Variants in MINDY3 observed in about 807,000 individuals in gnomAD.
The protein encoded by MINDY3 is ubiquitin carboxyl-terminal hydrolase MINDY-3.
MINDY3 carries 38 observed loss-of-function variants against 69.2 expected under a neutral mutation model. The observed-to-expected ratio is 0.55, with a 90% CI of 0.42 to 0.72. MINDY3 has a LOEUF of 0.72. Ranked by LOEUF, MINDY3 falls within the 30% of genes least tolerant of loss-of-function variation. MINDY3 has a pLI of 0.00. For missense variants in MINDY3, 522 were observed against 519.0 expected (o/e 1.01, Z -0.06); for synonymous variants, 192 against 180.1 (o/e 1.07, Z -0.53).
At chr10:15,834,421 T>C (rs916509062) in intron 7 of MINDY3, 122 bp downstream of exon 7, 5 of 594,190 alleles carry the variant, frequency 8.4e-6, no homozygotes, top group East Asian at 5.5e-5. Flanking sequence ...CTCAAATCCA[T>C]ACATGTTGTA....
chr10:15,829,927 G>A (rs1007391704), intron 8 of MINDY3, among the ~76,000 whole-genome samples: 8 of 152,144 alleles, frequency 5.3e-5, no homozygotes, highest in African/African-American at 1.7e-4. Context: ...AAACTAACTG[G>A]TGCCATCGCC....
intron 8 of MINDY3, among the ~76,000 whole-genome samples, chr10:15,828,086 G>T (rs1474661127): frequency 6.6e-6 from 1 of 152,132 alleles, no homozygotes; most frequent in East Asian, 1.9e-4. Flanking sequence ...TCAACTCCTT[G>T]GTCTATGGCA....
intron 10 of MINDY3, among the ~76,000 whole-genome samples, chr10:15,806,887 T>C (rs1011037582): frequency 2.0e-5 from 3 of 152,168 alleles, no homozygotes; most frequent in African/African-American, 7.2e-5. Flanking sequence ...GTATAATCTT[T>C]TCTACACCTA....
At chr10:15,859,587 G>A (rs1299734815) in intron 1 of MINDY3, among the ~76,000 whole-genome samples, 1 of 152,110 alleles carries the variant, frequency 6.6e-6, no homozygotes, top group Non-Finnish European at 1.5e-5. Flanking sequence ...CATACCGGCC[G>A]AGGAAGTACT....
intron 10 of MINDY3, among the ~76,000 whole-genome samples, chr10:15,812,108 AT>A (rs1305751983): frequency 6.6e-6 from 1 of 151,850 alleles, no homozygotes; most frequent in African/African-American, 2.4e-5. Flanking sequence ...CGCCTGGGTA[AT>A]TTTTGTATTC....
chr10:15,845,502 T>C (rs1038339621), intron 2 of MINDY3, among the ~76,000 whole-genome samples: 13 of 151,888 alleles, frequency 8.6e-5, no homozygotes, highest in African/African-American at 2.9e-4. Context: ...TACGTGACTC[T>C]TTTTTTTCCT....
At chr10:15,797,206 T>TCCAG (rs780854020) in intron 10 of MINDY3, among the ~76,000 whole-genome samples, 1 of 152,114 alleles carries the variant, frequency 6.6e-6, no homozygotes, top group Non-Finnish European at 1.5e-5. Context: ...AGGACTCGAT[T>TCCAG]CCTGAAAACC....
At chr10:15,790,702 G>T (rs148964085) in intron 11 of MINDY3, among the ~76,000 whole-genome samples, 26 of 152,234 alleles carry the variant, frequency 1.7e-4, no homozygotes, top group African/African-American at 6.0e-4. Context: ...AAATGTTTTA[G>T]ATTTCAAATT....
chr10:15,832,450 T>C (rs1348799116), intron 8 of MINDY3, among the ~76,000 whole-genome samples: 1 of 151,846 alleles, frequency 6.6e-6, no homozygotes, highest in Non-Finnish European at 1.5e-5. Context: ...AAATGAGATT[T>C]TTTTTTTCAT....
chr10:15,779,047 T>C lies in MINDY3; in HGVS notation c.1283A>G (p.Lys428Arg), dbSNP rs372425699. Reference sequence around the variant, plus strand: ...CCAGAGTAACTCAATGTATGGCCATTTGGTTTGCAGACAGCGTTTAATAGG... The same window carrying C: ...CCAGAGTAACTCAATGTATGGCCATCTGGTTTGCAGACAGCGTTTAATAGG... ...DTPIKRCLQT[K>R]WPYIELLWTT... is the part of the protein sequence containing the mutation. Residue 428 changes from lysine to arginine, a missense_variant, in exon 15 of 15, where the codon AAA becomes AGA. By Grantham distance (26) the Lys-to-Arg change is conservative. Transcript: ENST00000277632. 14 of 1,613,464 alleles carry C rather than the reference T, an allele frequency of 8.7e-6. No individual in the cohort carries two copies. The highest frequency in any genetic ancestry group is 2.2e-5 in the South Asian group (2 of 91,064).
intron 10 of MINDY3, among the ~76,000 whole-genome samples, chr10:15,807,541 T>A (rs1302270440): frequency 6.6e-6 from 1 of 152,246 alleles, no homozygotes; most frequent in Non-Finnish European, 1.5e-5. Flanking sequence ...TGTACTCTGC[T>A]ATCAACTCTA....
At chr10:15,858,580 T>C (rs148127508) in intron 1 of MINDY3, among the ~76,000 whole-genome samples, 54 of 152,328 alleles carry the variant, frequency 3.5e-4, no homozygotes, top group African/African-American at 1.3e-3. Context: ...GTAAGGTCTA[T>C]TATCTGTACT....
At chr10:15,830,464 C>G (rs529862702) in intron 8 of MINDY3, among the ~76,000 whole-genome samples, 70 of 152,312 alleles carry the variant, frequency 4.6e-4, no homozygotes, top group African/African-American at 1.6e-3. Flanking sequence ...AGATTCCAAC[C>G]ACAGTAGTCT....
At position 15,841,591 on chromosome 10, in the gene MINDY3, G is replaced by C. The variant is rs1833472662; in HGVS notation, c.244C>G (p.Gln82Glu). The C allele has an allele frequency of 6.2e-7, 1 of 1,600,146 alleles. No homozygotes were observed. The highest frequency in any genetic ancestry group is 8.5e-7 in the Non-Finnish European group (1 of 1,173,620). The change falls in exon 4 of 15, where the codon CAG becomes GAG. Residue 82 changes from glutamine (Q) to glutamate (E), a missense_variant. Coordinates refer to ENST00000277632, the MANE Select transcript of MINDY3 (RefSeq NM_024948.4). ...AAGGTATGACAAAGGAGTTCCTTCT[G>C]CTCTTCCTCTAAAAATAACCAAAGC... is the stretch of plus-strand genomic sequence containing the variant. ...SSWRDCSEEE[Q>E]KELLCHTLCD...
chr10:15,802,505 A>T (rs78219000), intron 10 of MINDY3, among the ~76,000 whole-genome samples: 2,009 of 152,164 alleles, frequency 0.013, 20 homozygotes, highest in South Asian at 0.022. Context: ...GCATGGGGGA[A>T]ACAGCCCCCA....
Position 15,782,342 on chromosome 10 carries a change from T to C in MINDY3, c.1117-116A>G, listed in dbSNP as rs553408659. The C allele has an allele frequency of 3.9e-5, 28 of 710,492 alleles. No homozygotes were observed. In the South Asian group the frequency reaches 5.5e-4, roughly 14 times the overall value. The allele number at this position is 710,492 out of a possible 1,614,324, so 44.0% of individuals were successfully genotyped here. ...TCCTTATCCTTTGACTGGGGACTCA[T>C]TTGACAAAAGAAGGAACTTAGGTTT... On this transcript the variant is annotated intron_variant, in intron 13 of 14. Coordinates refer to ENST00000277632, the MANE Select transcript of MINDY3 (RefSeq NM_024948.4).
intron 11 of MINDY3, among the ~76,000 whole-genome samples, chr10:15,791,330 G>C (rs1837393553): frequency 6.6e-6 from 1 of 151,880 alleles, no homozygotes; most frequent in South Asian, 2.1e-4. Context: ...TAGGTCATCT[G>C]ACATTTCACC....
chr10:15,816,657 T>C (rs1564489223), intron 10 of MINDY3, among the ~76,000 whole-genome samples, 178 bp downstream of exon 10: 1 of 152,168 alleles, frequency 6.6e-6, no homozygotes, highest in Non-Finnish European at 1.5e-5. Context: ...GATTAAAAGA[T>C]TCCAGATTTA....
chr10:15,826,771 C>G (rs1309000069), intron 8 of MINDY3, among the ~76,000 whole-genome samples: 1 of 151,952 alleles, frequency 6.6e-6, no homozygotes, highest in Non-Finnish European at 1.5e-5. Context: ...ATGTGTTCAA[C>G]AAAAAACGTA....
Sources: allele counts gnomAD v4.1 joint callset (sites outside exome capture counted in the v4.1 genomes callset), GRCh38; gene constraint gnomAD v4.1.1; transcripts MANE v1.5; gene names NCBI Gene and HGNC (gene_info 2026-07-23, HGNC 2026-07-21).